Variants in NFIB observed in about 807,000 individuals in gnomAD.
NFIB encodes nuclear factor I B, also known as nuclear factor 1 B-type.
A neutral mutation model predicts 61.5 loss-of-function variants in NFIB; 11 were observed. That is an observed-to-expected ratio of 0.18 (90% confidence interval 0.11 to 0.30). The LOEUF (loss-of-function observed/expected upper bound fraction) is 0.30, where lower values mean the gene tolerates loss of function less well. Ranked by LOEUF, NFIB falls within the 10% of genes least tolerant of loss-of-function variation. The pLI is 1.00. For synonymous variants in NFIB, 260 were observed against 216.5 expected (o/e 1.20, Z -1.76); for missense variants, 471 against 608.9 (o/e 0.77, Z 2.38).
intron 2 of NFIB, among the ~76,000 whole-genome samples, chr9:14,212,314 T>G: frequency 6.6e-6 from 1 of 152,234 alleles, no homozygotes; most frequent in Non-Finnish European, 1.5e-5. Context: ...TACTTAGAAA[T>G]TGCTCATGCA....
intron 10 of NFIB, among the ~76,000 whole-genome samples, chr9:14,088,653 T>C (rs1055388111): frequency 4.6e-5 from 7 of 152,184 alleles, no homozygotes; most frequent in Non-Finnish European, 1.0e-4. Flanking sequence ...AATATCATTC[T>C]TTTTTGTACA....
chr9:14,385,780 G>C (rs2133015214), intron 1 of NFIB, among the ~76,000 whole-genome samples: 1 of 151,400 alleles, frequency 6.6e-6, no homozygotes, highest in African/African-American at 2.4e-5. Flanking sequence ...AGACACAGTG[G>C]AATCTTTTTT....
At position 14,384,115 on chromosome 9, in the gene NFIB, T is replaced by A. The variant is rs145835121; in HGVS notation, c.108+14409A>T. Among the ~76,000 whole-genome samples the A allele has an allele frequency of 3.4e-4, 52 of 152,258 alleles. 1 individual carries two copies. Among genetic ancestry groups the A allele is most frequent in the African/African-American group, 1.2e-3 (51 of 41,552 alleles). On this transcript the variant is annotated intron_variant, in intron 1 of 8. Transcript: ENST00000380934. ...CTTTGCACCTTCTTTTAAATCCTTG[T>A]GTGGTTGGCATTTGGAAAAATATCG...
chr9:14,260,788 CA>C (rs1489961363), intron 2 of NFIB, among the ~76,000 whole-genome samples: 1 of 152,194 alleles, frequency 6.6e-6, no homozygotes, highest in African/African-American at 2.4e-5. Flanking sequence ...GGCAAGGCAG[CA>C]TGCTTATTGG....
intron 3 of NFIB, among the ~76,000 whole-genome samples, chr9:14,165,428 T>C (rs1339187216): frequency 6.6e-6 from 1 of 152,132 alleles, no homozygotes; most frequent in Non-Finnish European, 1.5e-5. Flanking sequence ...AGCAATATTA[T>C]CAAAAGAACA....
the NFIB span, among the ~76,000 whole-genome samples, chr9:14,454,542 T>C: frequency 6.6e-6 from 1 of 152,252 alleles, no homozygotes; most frequent in Non-Finnish European, 1.5e-5. Flanking sequence ...GCCTTACCTA[T>C]TTTATGTTTT....
intron 2 of NFIB, among the ~76,000 whole-genome samples, 157 bp downstream of exon 2, chr9:14,306,832 G>C (rs1588251116): frequency 6.6e-6 from 1 of 152,286 alleles, no homozygotes; most frequent in Non-Finnish European, 1.5e-5. Context: ...GCACATGGCA[G>C]CGGACATGTG....
chr9:14,358,372 C>T (rs954591823), intron 1 of NFIB, among the ~76,000 whole-genome samples: 11 of 152,024 alleles, frequency 7.2e-5, no homozygotes, highest in Non-Finnish European at 1.3e-4. Flanking sequence ...ATAAATGTGT[C>T]CAGGCTTAAA....
chr9:14,397,384 T>A (rs1444062024), intron 1 of NFIB, among the ~76,000 whole-genome samples: 2 of 152,232 alleles, frequency 1.3e-5, no homozygotes, highest in Non-Finnish European at 2.9e-5. Context: ...CAGTTAACAG[T>A]TCAGTGATGA....
intron 1 of NFIB, among the ~76,000 whole-genome samples, chr9:14,395,726 CTTTTTTTTTTTTTTTTT>C (rs35417792): frequency 1.5e-5 from 1 of 65,726 alleles, no homozygotes; most frequent in Non-Finnish European, 3.0e-5. Context: ...ATTCTTTTGA[CTTTTTTTTTTTTTTTTT>C]TTTTTTTTTT....
intron 2 of NFIB, 28 bp from the exon 3 acceptor site, chr9:14,179,808 C>A (rs2046563199): frequency 1.9e-6 from 3 of 1,608,518 alleles, no homozygotes; most frequent in Admixed American, 1.7e-5. Context: ...AAAATGTTTT[C>A]TTTTTAATTT....
intron 2 of NFIB, among the ~76,000 whole-genome samples, chr9:14,186,897 A>C (rs1315349988): frequency 6.6e-6 from 1 of 152,140 alleles, no homozygotes; most frequent in Non-Finnish European, 1.5e-5. Flanking sequence ...TATTAAAATA[A>C]GACAACGAAA....
chr9:14,318,180 T>A (rs574600127), upstream of NFIB, among the ~76,000 whole-genome samples: 2 of 152,054 alleles, frequency 1.3e-5, no homozygotes, highest in African/African-American at 4.8e-5. Flanking sequence ...CCTCCCTAGA[T>A]CTCCTTGCTG....
At chr9:14,444,740 GAA>G in the NFIB span, among the ~76,000 whole-genome samples, 1 of 152,078 alleles carries the variant, frequency 6.6e-6, no homozygotes, top group Non-Finnish European at 1.5e-5. Context: ...TATGTCAGAA[GAA>G]TATAAAAACA....
intron 2 of NFIB, among the ~76,000 whole-genome samples, chr9:14,244,899 C>T (rs1028622478): frequency 3.9e-5 from 6 of 152,130 alleles, no homozygotes; most frequent in African/African-American, 1.4e-4. Context: ...GCAGCATGTG[C>T]CTAATTTCTC....
chr9:14,372,289 C>G (rs1454279615), intron 1 of NFIB, among the ~76,000 whole-genome samples: 1 of 152,110 alleles, frequency 6.6e-6, no homozygotes, highest in East Asian at 1.9e-4. Flanking sequence ...ACTAACCAAC[C>G]TAAAACTCTC....
Position 14,313,710 on chromosome 9 carries a change from A to C in NFIB, c.-199T>G, listed in dbSNP as rs555791695. 1 of 1,425,564 alleles carries C rather than the reference A, an allele frequency of 7.0e-7. No individual in the cohort carries two copies. The highest frequency in any genetic ancestry group is 1.5e-5 in the African/African-American group (1 of 68,814). The allele number at this position is 1,425,564 out of a possible 1,614,324, so 88.3% of individuals were successfully genotyped here. ...AAGATTCAAGTTCACTCGGCGTGCTAGATTTCCAGGGGTGAAATCCAATCT... is the reference window on the plus strand; with the variant it reads ...AAGATTCAAGTTCACTCGGCGTGCTCGATTTCCAGGGGTGAAATCCAATCT... On this transcript the variant is annotated 5_prime_UTR_variant, in exon 1 of 11. Transcript: ENST00000380953. The surrounding 1 kb of genome is among the most constrained non-coding windows in gnomAD (Gnocchi z 4.5).
chr9:14,230,202 G>A (rs1022398782), intron 2 of NFIB, among the ~76,000 whole-genome samples: 9 of 152,190 alleles, frequency 5.9e-5, no homozygotes, highest in African/African-American at 2.2e-4. Flanking sequence ...TTTGGGGACA[G>A]GGAGAAAGCC....
intron 6 of NFIB, among the ~76,000 whole-genome samples, chr9:14,127,845 G>C (rs1025253278): frequency 6.6e-6 from 1 of 150,950 alleles, no homozygotes; most frequent in Non-Finnish European, 1.5e-5. Flanking sequence ...CGGATTTGTA[G>C]CTGTAAGCTA....
Sources: gnomAD v4.1 joint callset for allele counts (sites outside exome capture counted in the v4.1 genomes callset) on GRCh38, gnomAD v4.1.1 for gene constraint, Gnocchi (gnomAD v3.1) non-coding constraint, MANE v1.5 for transcripts, NCBI Gene and HGNC (gene_info 2026-07-23, HGNC 2026-07-21) for gene names.